The following AMER3 variants were observed in gnomAD, a reference collection of about 807,000 sequenced individuals.
The protein encoded by AMER3 is APC membrane recruitment protein 3.
For missense variants in AMER3, 1,201 were observed against 1,139.4 expected (o/e 1.05, Z -0.78); for synonymous variants, 541 against 485.5 (o/e 1.11, Z -1.50).
At position 130,765,593 on chromosome 2, in the gene AMER3, T is replaced by C. The variant is rs1314583568; in HGVS notation, c.*935T>C. On this transcript the variant is annotated 3_prime_UTR_variant, in exon 2 of 2. Transcript: ENST00000321420. Reference sequence around the variant, plus strand: ...CGTTTTTATACACACGCACAATGCTTACACACACAGTCAACCTGGGATGCC... The same window carrying C: ...CGTTTTTATACACACGCACAATGCTCACACACACAGTCAACCTGGGATGCC... 6.0e-6 allele frequency: 1 copy of C among 166,994 alleles called. No homozygotes were observed. The highest frequency in any genetic ancestry group is 1.9e-4 in the East Asian group (1 of 5,196). 10.3% of individuals were successfully genotyped at this position (166,994 alleles called of 1,614,324 possible). A position where few individuals can be genotyped will look rare whatever the true frequency, so the allele number is the denominator to read the frequency against.
chr2:130,763,619 C>G lies in AMER3; in HGVS notation c.1547C>G (p.Pro516Arg), dbSNP rs1384607720. The change falls in exon 2 of 2, where the codon CCC becomes CGC. Residue 516 changes from proline (P) to arginine (R), a missense_variant. Coordinates refer to ENST00000321420, the MANE Select transcript of AMER3 (RefSeq NM_152698.3). ...ATCGTCAGCTGGCTGCGCCGAGGCC[C>G]CACGCCCCGTGCCCCACCCACCCCT... ...MGIVSWLRRG[P>R]TPRAPPTPGQ... The G allele has an allele frequency of 1.9e-6, 3 of 1,567,814 alleles. No individual in the cohort carries two copies. In the South Asian group the frequency reaches 3.6e-5, roughly 19 times the overall value.
In AMER3 at chr2:130,762,755, T is replaced by G. The variant is rs778160337; in HGVS notation, c.683T>G (p.Phe228Cys). The G allele has an allele frequency of 1.2e-6, 2 of 1,611,904 alleles. No homozygotes were observed. The highest frequency in any genetic ancestry group is 1.7e-5 in the Admixed American group (1 of 59,968). Reference protein sequence around the residue: ...LDSELLADASFGLCRALCEDV... With the variant: ...LDSELLADASCGLCRALCEDV... ...AGCGAGCTCCTGGCCGATGCATCCT[T>G]TGGTCTCTGCAGGGCCCTGTGTGAG... Residue 228 changes from phenylalanine to cysteine, a missense_variant, in exon 2 of 2, where the codon TTT becomes TGT. Coordinates refer to ENST00000321420, the MANE Select transcript of AMER3 (RefSeq NM_152698.3).
At chr2:130,759,695 A>C (rs909261133) in intron 1 of AMER3, among the ~76,000 whole-genome samples, 2 of 152,130 alleles carry the variant, frequency 1.3e-5, no homozygotes, top group Non-Finnish European at 2.9e-5. Flanking sequence ...CTACTTTTAG[A>C]TTTCCCACAA....
Position 130,766,137 on chromosome 2 carries a change from T to C in AMER3, c.*1479T>C, listed in dbSNP as rs1273592582. 3 of 166,980 alleles carry C rather than the reference T, an allele frequency of 1.8e-5. No individual in the cohort carries two copies. The highest frequency in any genetic ancestry group is 7.2e-5 in the African/African-American group (3 of 41,460). 10.3% of individuals were successfully genotyped at this position (166,980 alleles called of 1,614,324 possible). On this transcript the variant is annotated 3_prime_UTR_variant, in exon 2 of 2. Transcript: ENST00000321420. Reference sequence around the variant, plus strand: ...TTGAAACTTTAGAGATTTGCGTCTTTCAGTATTTCAATGTTGGGGACCAGT... The same window carrying C: ...TTGAAACTTTAGAGATTTGCGTCTTCCAGTATTTCAATGTTGGGGACCAGT...
chr2:130,759,999 G>C (rs7602420), intron 1 of AMER3, among the ~76,000 whole-genome samples: 30 of 152,192 alleles, frequency 2.0e-4, no homozygotes, highest in Admixed American at 3.9e-4. Context: ...GCAGAGCTTC[G>C]GAGGCCTTAT....
At position 130,764,588 on chromosome 2, in the gene AMER3, G is replaced by T. The variant is rs377081234; in HGVS notation, c.2516G>T (p.Arg839Leu). 5.0e-6 allele frequency: 8 copies of T among 1,605,348 alleles called. No individual in the cohort carries two copies. The highest frequency in any genetic ancestry group is 4.0e-5 in the African/African-American group (3 of 74,842). Residue 839 changes from arginine to leucine, a missense_variant, in exon 2 of 2, where the codon CGT becomes CTT. Physicochemically the swap from Arg to Leu is moderately radical, Grantham distance 102. Coordinates refer to ENST00000321420, the MANE Select transcript of AMER3 (RefSeq NM_152698.3). The part of the protein sequence containing the change: ...APECRCSLLA[R>L]EGLLCGQPEV... ...GAATGCCGCTGCAGCCTCCTGGCCC[G>T]TGAGGGCCTCCTCTGTGGCCAGCCA...
Position 130,763,617 on chromosome 2 carries a change from C to A in AMER3, c.1545C>A (p.Gly515=), listed in dbSNP as rs370009156. The A allele has an allele frequency of 2.5e-6, 4 of 1,568,688 alleles. No individual in the cohort carries two copies. Among genetic ancestry groups the A allele is most frequent in the Non-Finnish European group, 3.5e-6 (4 of 1,159,104 alleles). ...GCATCGTCAGCTGGCTGCGCCGAGG[C>A]CCCACGCCCCGTGCCCCACCCACCC... The part of the protein sequence containing the change: ...TMGIVSWLRR[G]PTPRAPPTPG... The change falls in exon 2 of 2, where the codon GGC becomes GGA. Residue 515 remains glycine, a synonymous_variant. Coordinates refer to ENST00000321420, the MANE Select transcript of AMER3 (RefSeq NM_152698.3).
chr2:130,756,734 C>A (rs1432751336), intron 1 of AMER3, among the ~76,000 whole-genome samples: 1 of 152,190 alleles, frequency 6.6e-6, no homozygotes, highest in African/African-American at 2.4e-5. Context: ...CCCAGAGGGC[C>A]CTTTGTCTCC....
chr2:130,762,409 G>A lies in AMER3; in HGVS notation c.337G>A (p.Gly113Ser). The change falls in exon 2 of 2, where the codon GGC becomes AGC. Residue 113 changes from glycine (G) to serine (S), a missense_variant. Transcript: ENST00000321420. ...CACGGCTGCCACAGGGCAGCTGGTG[G>A]GCAGTGCAAGCTTCCCGGGCTCCCC... ...RATAATGQLVGSASFPGSPGS... is the reference protein window; with the variant it reads ...RATAATGQLVSSASFPGSPGS... The A allele has an allele frequency of 1.2e-6, 2 of 1,612,458 alleles. No individual in the cohort carries two copies. The highest frequency in any genetic ancestry group is 1.7e-6 in the Non-Finnish European group (2 of 1,179,850).
At position 130,763,817 on chromosome 2, in the gene AMER3, G is replaced by A; in HGVS notation, c.1745G>A (p.Ser582Asn). ...ACCACAGGCCTGCTCGCCGGAGAGAGCAAGGCCCTCGGAGGGGCCACACAA... is the reference window on the plus strand; with the variant it reads ...ACCACAGGCCTGCTCGCCGGAGAGAACAAGGCCCTCGGAGGGGCCACACAA... ...PGTTGLLAGESKALGGATQGT... is the reference protein window; with the variant it reads ...PGTTGLLAGENKALGGATQGT... The change falls in exon 2 of 2, where the codon AGC (serine) becomes AAC (asparagine). Residue 582 changes from serine (S) to asparagine (N), a missense_variant. Coordinates refer to ENST00000321420, the MANE Select transcript of AMER3 (RefSeq NM_152698.3). The A allele has an allele frequency of 1.9e-6, 3 of 1,612,910 alleles. No homozygotes were observed. In the South Asian group the frequency reaches 3.3e-5, roughly 18 times the overall value.
Position 130,763,517 on chromosome 2 carries a change from G to A in AMER3, c.1445G>A (p.Gly482Asp), listed in dbSNP as rs781297542. The change falls in exon 2 of 2, where the codon GGC becomes GAC. Residue 482 changes from glycine to aspartate, a missense_variant. Gly to Asp is a moderately conservative substitution (Grantham distance 94, BLOSUM62 -1). Transcript: ENST00000321420. ...CCAGGCCCTGACCTGCTCAGCCAGG[G>A]CTTCCTACAGAGCTCCTGGAAGGGC... is the stretch of plus-strand genomic sequence containing the variant. ...PAPGPDLLSQGFLQSSWKGKE... is the reference protein window; with the variant it reads ...PAPGPDLLSQDFLQSSWKGKE... 1.2e-6 allele frequency: 2 copies of A among 1,612,460 alleles called. No homozygotes were observed. Among genetic ancestry groups the A allele is most frequent in the Non-Finnish European group, 1.7e-6 (2 of 1,179,698 alleles).
In AMER3 at chr2:130,763,861, A is replaced by G; in HGVS notation, c.1789A>G (p.Arg597Gly). 2 of 1,613,416 alleles carry G rather than the reference A, an allele frequency of 1.2e-6. No homozygotes were observed. Among genetic ancestry groups the G allele is most frequent in the South Asian group, 2.2e-5 (2 of 91,090 alleles). ...GATQGTGTLS[R>G]DASREEETRG... is the part of the protein sequence containing the mutation. Reference sequence around the variant, plus strand: ...CACACAAGGGACTGGCACACTGTCCAGGGATGCCTCTCGAGAGGAAGAGAC... The same window carrying G: ...CACACAAGGGACTGGCACACTGTCCGGGGATGCCTCTCGAGAGGAAGAGAC... Residue 597 changes from arginine to glycine, a missense_variant, in exon 2 of 2, where the codon AGG becomes GGG. By Grantham distance (125) the Arg-to-Gly change is moderately radical. Transcript: ENST00000321420.
At chr2:130,759,316 T>A (rs1678710712) in intron 1 of AMER3, among the ~76,000 whole-genome samples, 1 of 152,378 alleles carries the variant, frequency 6.6e-6, no homozygotes, top group East Asian at 1.9e-4. Flanking sequence ...AATTTCCAAC[T>A]GTTCATGATT....
At position 130,764,026 on chromosome 2, in the gene AMER3, G is replaced by C. The variant is rs1183076216; in HGVS notation, c.1954G>C (p.Gly652Arg). 6 of 1,613,024 alleles carry C rather than the reference G, an allele frequency of 3.7e-6. No homozygotes were observed. The highest frequency in any genetic ancestry group is 5.1e-6 in the Non-Finnish European group (6 of 1,179,756). ...GGAGCCTGGGCCACCAGGGGTCCTG[G>C]GGTGTTTCCGAGGCCCCTGGAGGCC... ...QKEPGPPGVL[G>R]CFRGPWRPGH... Residue 652 changes from glycine to arginine, a missense_variant, in exon 2 of 2, where the codon GGG becomes CGG. Physicochemically the swap from Gly to Arg is moderately radical, Grantham distance 125. Transcript: ENST00000321420.
At position 130,764,457 on chromosome 2, in the gene AMER3, C is replaced by G. The variant is rs1678922932; in HGVS notation, c.2385C>G (p.Pro795=). The G allele has an allele frequency of 5.0e-6, 8 of 1,600,270 alleles. No individual in the cohort carries two copies. The highest frequency in any genetic ancestry group is 1.7e-4 in the Middle Eastern group (1 of 6,048). ...ACGGCAGCCAGCTGGACTCTGAGCC[C>G]CGCTCAGCCCCTGCTGCCCGGTGGA... ...VAHGSQLDSE[P]RSAPAARWSS... is the part of the protein sequence containing the mutation. The change falls in exon 2 of 2, where the codon CCC becomes CCG. Residue 795 remains proline (P), a synonymous_variant. Transcript: ENST00000321420.
chr2:130,756,291 G>A (rs1305633217), intron 1 of AMER3: 1 of 149,656 alleles, frequency 6.7e-6, no homozygotes, highest in African/African-American at 2.4e-5. Flanking sequence ...GCGGCGCCGG[G>A]AGCTGACCGT....
rs762208266 is a variant in AMER3 at position 130,764,651 on chromosome 2, A to G, written c.2579A>G (p.His860Arg). The G allele has an allele frequency of 6.2e-7, 1 of 1,603,610 alleles. No individual in the cohort carries two copies. Among genetic ancestry groups the G allele is most frequent in the South Asian group, 1.1e-5 (1 of 89,756 alleles). The change falls in exon 2 of 2, where the codon CAT (histidine) becomes CGT (arginine). Residue 860 changes from histidine to arginine, a missense_variant. Transcript: ENST00000321420. Reference protein sequence around the residue: ...GASGPAMAEPHL With the variant: ...GASGPAMAEPRL ...TCTGGGCCAGCCATGGCTGAGCCCC[A>G]TCTGTAGGACAGGCTCACATGCACC...
intron 1 of AMER3, among the ~76,000 whole-genome samples, chr2:130,756,892 A>G (rs1230289893): frequency 6.7e-6 from 1 of 148,786 alleles, no homozygotes; most frequent in Non-Finnish European, 1.5e-5. Context: ...AAGGCAGCCT[A>G]CTACTGAGAA....
In AMER3 at chr2:130,764,858, C is replaced by A; in HGVS notation, c.*200C>A. 1 of 679,824 alleles carries A rather than the reference C, an allele frequency of 1.5e-6. No individual in the cohort carries two copies. The highest frequency in any genetic ancestry group is 2.5e-6 in the Non-Finnish European group (1 of 405,320). 42.1% of individuals were successfully genotyped at this position (679,824 alleles called of 1,614,324 possible). On this transcript the variant is annotated 3_prime_UTR_variant, in exon 2 of 2. Transcript: ENST00000321420. ...CCCACCAGCTCAGGCAGCCCACCGCCAAAGACAGCGCGAAGCTGCAACCAC... is the reference window on the plus strand; with the variant it reads ...CCCACCAGCTCAGGCAGCCCACCGCAAAAGACAGCGCGAAGCTGCAACCAC...
Sources: allele counts gnomAD v4.1 joint callset (sites outside exome capture counted in the v4.1 genomes callset), GRCh38; gene constraint gnomAD v4.1.1; transcripts MANE v1.5; gene names NCBI Gene and HGNC (gene_info 2026-07-23, HGNC 2026-07-21).